The following RRP12 variants were observed in gnomAD, a reference collection of about 807,000 sequenced individuals.
The protein encoded by RRP12 is RRP12-like protein.
RRP12 carries 78 observed loss-of-function variants against 157.3 expected under a neutral mutation model. The ratio of observed to expected loss-of-function variants is 0.50; its 90% CI spans 0.41 to 0.60. The LOEUF is 0.60. Ranked by LOEUF, RRP12 falls within the 20% of genes least tolerant of loss-of-function variation. RRP12 has a pLI of 0.00. For missense variants in RRP12, 1,521 were observed against 1,679.9 expected (o/e 0.91, Z 1.65); for synonymous variants, 726 against 670.9 (o/e 1.08, Z -1.27).
At position 97,375,261 on chromosome 10, in the gene RRP12, T is replaced by TAAA. The variant is rs11378492; in HGVS notation, c.1799-1370_1799-1368dup. ...GGTGAGCCTACCACACCTGGCTAAC[T>TAAA]AAAAAAAAAAAAAAAAAATTTTTAT... is the stretch of plus-strand genomic sequence containing the variant. On this transcript the variant is annotated intron_variant, in intron 15 of 33. Transcript: ENST00000370992. Among the ~76,000 whole-genome samples, 1,107 of 137,300 alleles carry TAAA rather than the reference T, an allele frequency of 8.1e-3. 20 individuals carry two copies. Among genetic ancestry groups the TAAA allele is most frequent in the African/African-American group, 0.028 (1,020 of 36,516 alleles). 90.1% of individuals were successfully genotyped at this position (137,300 alleles called of 152,430 possible).
At chr10:97,357,914 G>A (rs1175140937) in intron 33 of RRP12, among the ~76,000 whole-genome samples, 6 of 150,604 alleles carry the variant, frequency 4.0e-5, no homozygotes, top group Non-Finnish European at 5.9e-5. Context: ...AGCCGAGATC[G>A]TGCCACTGCA....
chr10:97,384,178 C>T (rs1844549399), intron 10 of RRP12, among the ~76,000 whole-genome samples: 1 of 134,400 alleles, frequency 7.4e-6, no homozygotes, highest in Non-Finnish European at 1.6e-5. Flanking sequence ...AGGCCCTGAG[C>T]ATCCCCAACC....
At chr10:97,399,293 GA>G (rs1845072305) in intron 2 of RRP12, among the ~76,000 whole-genome samples, 1 of 151,978 alleles carries the variant, frequency 6.6e-6, no homozygotes, top group South Asian at 2.1e-4. Flanking sequence ...ATAAAAAGAT[GA>G]ATTTATTTTA....
Position 97,373,751 on chromosome 10 carries a change from GGACAATAAAGGAAGGT to G in RRP12, c.1864-30_1864-15del. The G allele has an allele frequency of 6.2e-7, 1 of 1,612,404 alleles. No individual in the cohort carries two copies. The highest frequency in any genetic ancestry group is 1.1e-5 in the South Asian group (1 of 91,020). ...GAGTGTCCACATCTGGAGAAGGAGGGGACAATAAAGGAAGGTGACACGCAGCCACCTGTGCCCCTGT... is the reference window on the plus strand; with the variant it reads ...GAGTGTCCACATCTGGAGAAGGAGGGGACACGCAGCCACCTGTGCCCCTGT... On this transcript the variant is annotated splice_polypyrimidine_tract_variant and intron_variant, in intron 16 of 33. Coordinates refer to ENST00000370992, the MANE Select transcript of RRP12 (RefSeq NM_015179.4).
rs776855231 is a variant in RRP12 at position 97,358,582 on chromosome 10, T to G, written c.3746A>C (p.Asp1249Ala). The G allele has an allele frequency of 2.7e-5, 44 of 1,613,916 alleles. No individual in the cohort carries two copies. In the East Asian group the frequency reaches 8.7e-4, roughly 32 times the overall value. Residue 1249 changes from aspartate (D) to alanine (A), a missense_variant, in exon 33 of 34, where the codon GAT becomes GCT. Coordinates refer to ENST00000370992, the MANE Select transcript of RRP12 (RefSeq NM_015179.4). ...GTTGAGGGGGATGTAGGCATAGGGA[T>G]CCGGCCGGCCTTTCTTCTTCACATC... ...KGDVKKKGRP[D>A]PYAYIPLNRS... is the part of the protein sequence containing the mutation.
At position 97,358,527 on chromosome 10, in the gene RRP12, A is replaced by G. The variant is rs781510349; in HGVS notation, c.3791+10T>C. 32 of 1,610,358 alleles carry G rather than the reference A, an allele frequency of 2.0e-5. No homozygotes were observed. Among genetic ancestry groups the G allele is most frequent in the Non-Finnish European group, 2.7e-5 (32 of 1,176,830 alleles). On this transcript the variant is annotated intron_variant, in intron 33 of 33. Coordinates refer to ENST00000370992, the MANE Select transcript of RRP12 (RefSeq NM_015179.4). ...CTCCAGCCCCCAGCCTGCCTGGCACAGCGTCATACCTGCGGTTGAGCTTGC... is the reference window on the plus strand; with the variant it reads ...CTCCAGCCCCCAGCCTGCCTGGCACGGCGTCATACCTGCGGTTGAGCTTGC...
intron 15 of RRP12, among the ~76,000 whole-genome samples, chr10:97,376,966 G>A (rs1483573751): frequency 2.7e-5 from 4 of 148,846 alleles, no homozygotes; most frequent in African/African-American, 9.9e-5. Context: ...TGCAACCTCC[G>A]CCCCCCAGAG....
Position 97,373,814 on chromosome 10 carries a change from C to A in RRP12, c.1863+16G>T. On this transcript the variant is annotated intron_variant, in intron 16 of 33. Coordinates refer to ENST00000370992, the MANE Select transcript of RRP12 (RefSeq NM_015179.4). ...CTGTGTGCTTCTCCCCACGCCCTCC[C>A]CCAGCTGACCCTTACCTGCCACTGG... The A allele has an allele frequency of 6.2e-7, 1 of 1,613,854 alleles. No individual in the cohort carries two copies. Among genetic ancestry groups the A allele is most frequent in the South Asian group, 1.1e-5 (1 of 91,090 alleles).
At chr10:97,384,363 AC>A (rs559092089) in intron 10 of RRP12, among the ~76,000 whole-genome samples, 1 of 145,810 alleles carries the variant, frequency 6.9e-6, no homozygotes, top group African/African-American at 2.6e-5. Context: ...GGCCCTGAGG[AC>A]CCCCCACCTT....
chr10:97,366,419 GA>G (rs754117844), intron 28 of RRP12, 26 bp downstream of exon 28: 50 of 1,579,696 alleles, frequency 3.2e-5, no homozygotes, highest in Non-Finnish European at 4.0e-5. Flanking sequence ...TCTGTTTTCT[GA>G]GTGCACTGGC....
chr10:97,367,750 G>A (rs1297402366), intron 25 of RRP12, among the ~76,000 whole-genome samples: 1 of 151,964 alleles, frequency 6.6e-6, no homozygotes, highest in Non-Finnish European at 1.5e-5. Flanking sequence ...CCTTTTTTTT[G>A]AGATGGAGTC....
intron 8 of RRP12, among the ~76,000 whole-genome samples, chr10:97,386,635 A>G (rs1844638836): frequency 1.3e-5 from 2 of 152,312 alleles, no homozygotes; most frequent in African/African-American, 2.4e-5. Flanking sequence ...TCCCTTTTAA[A>G]CAATGATCAT....
chr10:97,366,902 G>C lies in RRP12; in HGVS notation c.3055C>G (p.Leu1019Val), dbSNP rs753078107. ...TKFIRKFGFELVKRLLPEEYH... is the reference protein window; with the variant it reads ...TKFIRKFGFEVVKRLLPEEYH... The stretch of plus-strand genomic sequence containing the variant: ...TCCTCGGGCAACAGCCTTTTCACCA[G>C]CTCAAATCTGGAGGTGGCAAGGAAG... Residue 1019 changes from leucine to valine, a missense_variant, in exon 27 of 34, where the codon CTG (leucine) becomes GTG (valine). Leu to Val is a conservative substitution (Grantham distance 32, BLOSUM62 1). Transcript: ENST00000370992. 1.2e-6 allele frequency: 2 copies of C among 1,613,082 alleles called. No homozygotes were observed. Among genetic ancestry groups the C allele is most frequent in the East Asian group, 2.2e-5 (1 of 44,838 alleles).
chr10:97,393,783 T>G (rs7898743), intron 3 of RRP12, 23 bp from the exon 4 acceptor site: 655,176 of 1,603,582 alleles, frequency 0.41, 136,685 homozygotes, highest in African/African-American at 0.62. Flanking sequence ...TTGAGGGGGT[T>G]TGAATGGATA....
intron 9 of RRP12, 89 bp from the exon 10 acceptor site, chr10:97,385,346 G>C (rs1315294731): frequency 2.9e-6 from 3 of 1,023,438 alleles, no homozygotes. Flanking sequence ...CACCAGCAAT[G>C]TCCTGGGGAC....
At position 97,385,243 on chromosome 10, in the gene RRP12, A is replaced by T. The variant is rs753164823; in HGVS notation, c.1131T>A (p.Tyr377Ter). 1 of 1,613,926 alleles carries T rather than the reference A, an allele frequency of 6.2e-7. No individual in the cohort carries two copies. Among genetic ancestry groups the T allele is most frequent in the Non-Finnish European group, 8.5e-7 (1 of 1,179,808 alleles). Reference protein sequence around the residue: ...NAQIITALYDYVPSENDLQPL... With the variant: ...NAQIITALYD ...GTTGTAAATCATTCTCACTGGGAAC[A>T]TAGTCGTACAGGGCCTAAAAGTGGG... is the stretch of plus-strand genomic sequence containing the variant. The change falls in exon 10 of 34, where the codon TAT becomes TAA. Residue 377 changes from tyrosine (Y) to a stop codon, truncating the protein, a stop_gained. Transcript: ENST00000370992. LOFTEE classifies it high-confidence loss of function.
At chr10:97,364,045 C>T in intron 29 of RRP12, 142 bp from the exon 30 acceptor site, 1 of 714,922 alleles carries the variant, frequency 1.4e-6, no homozygotes, top group Non-Finnish European at 2.5e-6. Context: ...CCAATATCAT[C>T]CTTCTGCTAG....
intron 3 of RRP12, among the ~76,000 whole-genome samples, chr10:97,394,369 A>T (rs916054105): frequency 6.6e-6 from 1 of 152,142 alleles, no homozygotes; most frequent in Non-Finnish European, 1.5e-5. Context: ...TAAACTATAT[A>T]TATGTTTATG....
rs1397256632 is a variant in RRP12 at position 97,379,651 on chromosome 10, C to T, written c.1653G>A (p.Val551=). The T allele has an allele frequency of 6.2e-7, 1 of 1,614,042 alleles. No individual in the cohort carries two copies. The highest frequency in any genetic ancestry group is 8.5e-7 in the Non-Finnish European group (1 of 1,179,978). The change falls in exon 14 of 34, where the codon GTG becomes GTA. Residue 551 remains valine (V), a synonymous_variant. Transcript: ENST00000370992. ...SMGPEVVLQA[V]PLEIDGSEET... ...ACTCAGAGCCATCAATTTCCAAAGG[C>T]ACAGCCTGCAGCACCACCTCAGGTC... is the stretch of plus-strand genomic sequence containing the variant.
Sources: allele counts gnomAD v4.1 joint callset (sites outside exome capture counted in the v4.1 genomes callset), GRCh38; gene constraint gnomAD v4.1.1; transcripts MANE v1.5; gene names NCBI Gene and HGNC (gene_info 2026-07-23, HGNC 2026-07-21).